Variants in PDSS2 observed in about 807,000 individuals in gnomAD.
PDSS2 encodes the protein all trans-polyprenyl-diphosphate synthase PDSS2.
Under a neutral mutation model 44.5 loss-of-function variants are expected in PDSS2, and 31 were observed. That is an observed-to-expected ratio of 0.70 (90% CI 0.52 to 0.94). The LOEUF (loss-of-function observed/expected upper bound fraction) is 0.94. Ranked by LOEUF, PDSS2 falls within the 40% of genes least tolerant of loss-of-function variation. The pLI is 0.00. For synonymous variants in PDSS2, 157 were observed against 180.3 expected (o/e 0.87, Z 1.03); for missense variants, 452 against 482.2 (o/e 0.94, Z 0.59).
intron 1 of PDSS2, among the ~76,000 whole-genome samples, chr6:107,427,423 A>C (rs896424524): frequency 1.3e-5 from 2 of 152,102 alleles, no homozygotes; most frequent in South Asian, 4.1e-4. Context: ...ATTGACTAAT[A>C]GAGTCTTGTC....
At chr6:107,302,199 G>A (rs917559344) in intron 2 of PDSS2, among the ~76,000 whole-genome samples, 8 of 152,002 alleles carry the variant, frequency 5.3e-5, no homozygotes, top group African/African-American at 9.6e-5. Context: ...TATCATGCAC[G>A]GTAGTAAGAG....
chr6:107,393,391 T>G (rs9400114), intron 1 of PDSS2, among the ~76,000 whole-genome samples: 19,465 of 152,118 alleles, frequency 0.13, 1,474 homozygotes, highest in East Asian at 0.24. Flanking sequence ...AACTTTTAAA[T>G]TATTGAGACT....
intron 7 of PDSS2, among the ~76,000 whole-genome samples, chr6:107,173,021 G>A (rs1390643070): frequency 1.3e-5 from 2 of 151,726 alleles, no homozygotes; most frequent in Admixed American, 1.3e-4. Context: ...CTACTGGGGA[G>A]GCTGAGGCGG....
intron 7 of PDSS2, among the ~76,000 whole-genome samples, chr6:107,184,446 G>C (rs932069792): frequency 6.6e-6 from 1 of 152,062 alleles, no homozygotes; most frequent in Non-Finnish European, 1.5e-5. Context: ...TGACTAAAAG[G>C]GCAAACCTTG....
intron 7 of PDSS2, among the ~76,000 whole-genome samples, chr6:107,171,476 A>T (rs910242093): frequency 1.3e-5 from 2 of 151,988 alleles, no homozygotes; most frequent in African/African-American, 2.4e-5. Context: ...TCTTGGTTCT[A>T]ATAGCCATAG....
chr6:107,362,146 AC>A (rs1778799060), intron 1 of PDSS2, among the ~76,000 whole-genome samples: 1 of 152,130 alleles, frequency 6.6e-6, no homozygotes, highest in South Asian at 2.1e-4. Context: ...AGGGAGCTTG[AC>A]CCCACATATT....
chr6:107,273,085 A>G (rs1338642744), intron 3 of PDSS2, among the ~76,000 whole-genome samples: 1 of 152,072 alleles, frequency 6.6e-6, no homozygotes, highest in East Asian at 1.9e-4. Context: ...CCCGGGTTCA[A>G]GCGATTCTCC....
chr6:107,262,434 T>C (rs1775271158), intron 3 of PDSS2, among the ~76,000 whole-genome samples: 1 of 152,088 alleles, frequency 6.6e-6, no homozygotes, highest in Non-Finnish European at 1.5e-5. Flanking sequence ...GATCTTCAAG[T>C]TGAGAAACAT....
At position 107,459,018 on chromosome 6, in the gene PDSS2, T is replaced by C; in HGVS notation, c.268A>G (p.Thr90Ala). Residue 90 changes from threonine (T) to alanine (A), a missense_variant, in exon 1 of 8, where the codon ACT becomes GCT. Transcript: ENST00000369037. This position sits in a 1 kb window ranked among gnomAD's most constrained non-coding sequence, Gnocchi z 4.3. ...IAMQVRKLVG[T>A]QHPLLTTARG... ...GCTGTGGTAAGCAGAGGGTGCTGAG[T>C]GCCCACCAGCTTCCGCACCTGCATA... 6.2e-7 allele frequency: 1 copy of C among 1,613,938 alleles called. No homozygotes were observed. The highest frequency in any genetic ancestry group is 8.5e-7 in the Non-Finnish European group (1 of 1,179,968).
At chr6:107,444,887 T>G (rs1781620453) in intron 1 of PDSS2, among the ~76,000 whole-genome samples, 1 of 152,170 alleles carries the variant, frequency 6.6e-6, no homozygotes, top group Non-Finnish European at 1.5e-5. Context: ...ACTAAATTAA[T>G]CCTATCCATT....
chr6:107,176,648 G>A lies in PDSS2; in HGVS notation c.1041+17174C>T, dbSNP rs375635803. 1.3e-4 allele frequency among the ~76,000 whole-genome samples: 20 copies of A among 152,196 alleles called. No individual in the cohort carries two copies. In the East Asian group the frequency reaches 3.5e-3, roughly 26 times the overall value. ...CTGCTAAGTACGTTTGTGAGTTCAC[G>A]CTGTGGCCTGCCATCCACAAAGAGC... is the stretch of plus-strand genomic sequence containing the variant. On this transcript the variant is annotated intron_variant, in intron 7 of 7. Transcript: ENST00000369037.
intron 4 of PDSS2, among the ~76,000 whole-genome samples, chr6:107,239,832 C>T (rs770340075): frequency 8.6e-5 from 13 of 151,606 alleles, no homozygotes; most frequent in Non-Finnish European, 1.6e-4. Flanking sequence ...AGCAGAGACA[C>T]GGTTTCACCA....
chr6:107,170,306 G>A (rs1384538848), intron 7 of PDSS2, among the ~76,000 whole-genome samples: 3 of 152,166 alleles, frequency 2.0e-5, no homozygotes, highest in African/African-American at 7.2e-5. Context: ...CTAGTGTGCC[G>A]TTTGCTAAGA....
chr6:107,401,198 T>C (rs1057087703), intron 1 of PDSS2, among the ~76,000 whole-genome samples: 4 of 152,288 alleles, frequency 2.6e-5, no homozygotes, highest in Admixed American at 2.6e-4. Context: ...GTGCAACCTT[T>C]ACTATTACCA....
Position 107,225,334 on chromosome 6 carries a change from G to A in PDSS2, c.703-13052C>T, listed in dbSNP as rs140868027. Among the ~76,000 whole-genome samples, 852 of 150,460 alleles carry A rather than the reference G, an allele frequency of 5.7e-3. 6 individuals carry two copies. The highest frequency in any genetic ancestry group is 0.019 in the African/African-American group (782 of 40,650). ...ATTACAGATGTGTGCCACCATGCCC[G>A]GCTAATTTTTGTATCACTGTATTGG... On this transcript the variant is annotated intron_variant, in intron 4 of 7. Transcript: ENST00000369037.
rs760091696 is a variant in PDSS2 at position 107,459,193 on chromosome 6, G to A, written c.93C>T (p.Thr31=). The A allele has an allele frequency of 1.9e-6, 3 of 1,614,086 alleles. No homozygotes were observed. Among genetic ancestry groups the A allele is most frequent in the Admixed American group, 3.3e-5 (2 of 60,024 alleles). The change falls in exon 1 of 8, where the codon ACC becomes ACT. Residue 31 remains threonine, a synonymous_variant. Coordinates refer to ENST00000369037, the MANE Select transcript of PDSS2 (RefSeq NM_020381.4). This position sits in a 1 kb window ranked among gnomAD's most constrained non-coding sequence, Gnocchi z 4.3. The part of the protein sequence containing the change: ...RRLWWSPSLD[T]ISSVGSWRGR... ...CACGCCAAGAGCCCACCGAGGAGAT[G>A]GTGTCGAGGGACGGGGACCACCACA... is the stretch of plus-strand genomic sequence containing the variant.
intron 1 of PDSS2, among the ~76,000 whole-genome samples, chr6:107,444,951 T>C (rs1781622813): frequency 6.6e-6 from 1 of 152,152 alleles, no homozygotes; most frequent in Admixed American, 6.6e-5. Flanking sequence ...AAGGAGTATT[T>C]AAACAAAAAT....
intron 5 of PDSS2, among the ~76,000 whole-genome samples, chr6:107,211,640 G>A (rs1163340935): frequency 6.6e-6 from 1 of 150,446 alleles, no homozygotes; most frequent in Admixed American, 6.7e-5. Flanking sequence ...TGAGGCAGGA[G>A]AATCGCTTGA....
rs1339895508 is a variant in PDSS2 at position 107,154,544 on chromosome 6, C to T, written c.*75G>A. On this transcript the variant is annotated 3_prime_UTR_variant, in exon 8 of 8. Coordinates refer to ENST00000369037, the MANE Select transcript of PDSS2 (RefSeq NM_020381.4). ...TATGTTTTAAAAGTCATTAACGCAT[C>T]GTGAAAGCGCTCCCAATCAACCTCA... is the stretch of plus-strand genomic sequence containing the variant. 78 of 1,365,454 alleles carry T rather than the reference C, an allele frequency of 5.7e-5. No homozygotes were observed. Among genetic ancestry groups the T allele is most frequent in the East Asian group, 6.9e-5 (3 of 43,606 alleles). 84.6% of individuals were successfully genotyped at this position (1,365,454 alleles called of 1,614,324 possible).
Sources: gnomAD v4.1 joint callset for allele counts (sites outside exome capture counted in the v4.1 genomes callset) on GRCh38, gnomAD v4.1.1 for gene constraint, Gnocchi (gnomAD v3.1) non-coding constraint, MANE v1.5 for transcripts, NCBI Gene and HGNC (gene_info 2026-07-23, HGNC 2026-07-21) for gene names.